USP49: variants seen among roughly 807,000 people sequenced by gnomAD.
USP49 encodes ubiquitin carboxyl-terminal hydrolase 49.
Under a neutral mutation model 58.6 loss-of-function variants are expected in USP49, and 24 were observed. That is an observed-to-expected ratio of 0.41 (90% confidence interval 0.30 to 0.58). USP49 has a LOEUF of 0.58. Among genes scored for constraint, USP49 ranks in the 20% least tolerant of loss-of-function variants. USP49 has a pLI of 0.30. For synonymous variants in USP49, 408 were observed against 365.1 expected (o/e 1.12, Z -1.34); for missense variants, 703 against 866.1 (o/e 0.81, Z 2.36).
At chr6:41,874,835 G>A (rs1458216581) in intron 2 of USP49, among the ~76,000 whole-genome samples, 1 of 152,158 alleles carries the variant, frequency 6.6e-6, no homozygotes. Flanking sequence ...GCACAAATCT[G>A]TAGTCCCAGC....
At chr6:41,840,290 C>T (rs575350239) in intron 3 of USP49, among the ~76,000 whole-genome samples, 88 of 150,898 alleles carry the variant, frequency 5.8e-4, no homozygotes, top group South Asian at 2.9e-3. Flanking sequence ...AGGAGAATGG[C>T]GTCAACCCGG....
At chr6:41,874,651 C>T (rs904713581) in intron 2 of USP49, among the ~76,000 whole-genome samples, 1 of 152,148 alleles carries the variant, frequency 6.6e-6, no homozygotes, top group Non-Finnish European at 1.5e-5. Flanking sequence ...AGGATTCAAA[C>T]CCAGGTTTCT....
At chr6:41,829,898 TATA>T (rs1370553854) in intron 3 of USP49, among the ~76,000 whole-genome samples, 2 of 152,352 alleles carry the variant, frequency 1.3e-5, no homozygotes, top group East Asian at 3.9e-4. Context: ...TTAAAGTTCA[TATA>T]ATGTTTTCTT....
rs999581467 is a variant in USP49, at chr6:41,876,664, G to A, written c.-102-5027C>T. Among the ~76,000 whole-genome samples the A allele has an allele frequency of 5.3e-5, 8 of 152,202 alleles. No individual in the cohort carries two copies. In the East Asian group the frequency reaches 1.4e-3, roughly 26 times the overall value. ...CCTGACCTCGTGATCCGCCAGCCTC[G>A]GCCTCCCAAAGTGTTGAGATTACAG... On this transcript the variant is annotated intron_variant, in intron 2 of 7. Transcript: ENST00000682992.
rs749545881 is a variant in USP49, at chr6:41,799,932, C to T, written c.1568G>A (p.Arg523Gln). 1.9e-6 allele frequency: 3 copies of T among 1,613,886 alleles called. No individual in the cohort carries two copies. Among genetic ancestry groups the T allele is most frequent in the South Asian group, 1.1e-5 (1 of 91,058 alleles). ...AAGGGGTTTGGGATTGGATTTTCGT[C>T]GTTTGCCTATGTGGTTTGGGAAGGT... ...IYACDQCNSK[R>Q]RKSNPKPLVL... The change falls in exon 6 of 8, where the codon CGA becomes CAA. Residue 523 changes from arginine to glutamine, a missense_variant. Physicochemically the swap from Arg to Gln is conservative, Grantham distance 43. Around this residue, in one of 6 missense-constraint regions of USP49, gnomAD observed 158 missense variants for 241.2 expected, o/e 0.66. Coordinates refer to ENST00000682992, the MANE Select transcript of USP49 (RefSeq NM_001286554.2).
chr6:41,888,743 G>A (rs571939658), intron 2 of USP49, among the ~76,000 whole-genome samples: 5 of 151,988 alleles, frequency 3.3e-5, no homozygotes, highest in African/African-American at 9.7e-5. Flanking sequence ...GTGAGCCACC[G>A]CACCCAGCCA....
At chr6:41,851,085 G>A (rs1422607555) in intron 3 of USP49, among the ~76,000 whole-genome samples, 1 of 152,112 alleles carries the variant, frequency 6.6e-6, no homozygotes, top group Non-Finnish European at 1.5e-5. Flanking sequence ...TGAATGCCAA[G>A]TTTTCTCAAA....
Position 41,806,319 on chromosome 6 carries a change from G to T in USP49, c.665C>A (p.Ala222Asp). ...AGGGAGGGCGGCGGGGCGCGAGGCA[G>T]CCGGGCCCGCGTCGCGGGGCGTGTG... ...LLHTPRDAGP[A>D]ASRPAALPTS... Residue 222 changes from alanine to aspartate, a missense_variant, in exon 4 of 8, where the codon GCT becomes GAT. Ala to Asp is a moderately radical substitution (Grantham distance 126). Coordinates refer to ENST00000682992, the MANE Select transcript of USP49 (RefSeq NM_001286554.2). This position sits in a 1 kb window ranked among gnomAD's most constrained non-coding sequence, Gnocchi z 5.9. 6.4e-7 allele frequency: 1 copy of T among 1,553,784 alleles called. No individual in the cohort carries two copies. Among genetic ancestry groups the T allele is most frequent in the South Asian group, 1.2e-5 (1 of 84,032 alleles).
chr6:41,848,053 C>T (rs950395637), intron 3 of USP49, among the ~76,000 whole-genome samples: 2 of 152,128 alleles, frequency 1.3e-5, no homozygotes, highest in Non-Finnish European at 2.9e-5. Context: ...TCATCACATA[C>T]AAGGGAGTTT....
rs139071131 is a variant in USP49 at position 41,805,754 on chromosome 6, C to G, written c.1230G>C (p.Lys410Asn). The G allele has an allele frequency of 6.2e-7, 1 of 1,613,996 alleles. No homozygotes were observed. The highest frequency in any genetic ancestry group is 8.5e-7 in the Non-Finnish European group (1 of 1,180,028). The change falls in exon 4 of 8, where the codon AAG becomes AAC. Residue 410 changes from lysine to asparagine, a missense_variant. By Grantham distance (94) the Lys-to-Asn change is moderately conservative (BLOSUM62 0). Around this residue, in one of 6 missense-constraint regions of USP49, gnomAD observed 66 missense variants for 116.0 expected, o/e 0.57. Transcript: ENST00000682992. ...AQEFLCELLH[K>N]VQQELESEGT... ...CCTCAGACTCGAGTTCCTGCTGCAC[C>G]TTGTGCAGCAGCTCGCAGAGAAATT... is the stretch of plus-strand genomic sequence containing the variant.
chr6:41,827,675 CAAA>C (rs373056101), intron 3 of USP49, among the ~76,000 whole-genome samples: 5 of 92,308 alleles, frequency 5.4e-5, no homozygotes, highest in Admixed American at 2.5e-4. Context: ...ACTCTGTCTC[CAAA>C]AAAAAAAAAA....
At position 41,793,056 on chromosome 6, in the gene USP49, T is replaced by C. The variant is rs897536346; in HGVS notation, c.*3477A>G. ...CCCCACTGTCAGCCAATCCACCTCA[T>C]TGGTTCTTCCCTTGTACTTGGATGA... On this transcript the variant is annotated 3_prime_UTR_variant, in exon 8 of 8. Transcript: ENST00000682992. 4 of 150,994 alleles carry C rather than the reference T, an allele frequency of 2.6e-5. No homozygotes were observed. The highest frequency in any genetic ancestry group is 4.9e-5 in the African/African-American group (2 of 41,156). 9.4% of individuals were successfully genotyped at this position (150,994 alleles called of 1,614,324 possible). A position where few individuals can be genotyped will look rare whatever the true frequency, so the allele number is the denominator to read the frequency against.
intron 5 of USP49, 48 bp from the exon 6 acceptor site, chr6:41,799,986 C>G (rs1409400142): frequency 1.3e-6 from 2 of 1,525,764 alleles, no homozygotes; most frequent in African/African-American, 1.4e-5. Context: ...GGAGTTTTTT[C>G]TAGCTATGGC....
At position 41,819,742 on chromosome 6, in the gene USP49, G is replaced by C. The variant is rs73424069; in HGVS notation, c.-28-12731C>G. Among the ~76,000 whole-genome samples the C allele has an allele frequency of 8.3e-3, 1,267 of 152,248 alleles. 21 individuals carry two copies. The highest frequency in any genetic ancestry group is 0.029 in the African/African-American group (1,217 of 41,522). ...CTAACTCTACTGATCAATTTTGCAT[G>C]AAACTAGGGCAACTAGACCTCCCTG... On this transcript the variant is annotated intron_variant, in intron 3 of 7. Coordinates refer to ENST00000682992, the MANE Select transcript of USP49 (RefSeq NM_001286554.2).
chr6:41,890,156 TC>T (rs944605461), intron 2 of USP49, among the ~76,000 whole-genome samples: 1 of 151,706 alleles, frequency 6.6e-6, no homozygotes, highest in African/African-American at 2.4e-5. Flanking sequence ...ACTTTGGAGA[TC>T]ACTTGAGGTC....
intron 3 of USP49, among the ~76,000 whole-genome samples, chr6:41,825,454 G>C (rs933022627): frequency 1.4e-5 from 2 of 146,396 alleles, no homozygotes; most frequent in Non-Finnish European, 3.0e-5. Flanking sequence ...AAAAAAAAAA[G>C]ATATGAGAAC....
intron 3 of USP49, among the ~76,000 whole-genome samples, chr6:41,863,340 A>G (rs1290203766): frequency 6.6e-6 from 1 of 152,086 alleles, no homozygotes. Flanking sequence ...TTGTTTCTTG[A>G]CTTCTTGAAC....
chr6:41,792,974 G>A lies in USP49; in HGVS notation c.*3559C>T, dbSNP rs1021959815. 7.3e-4 allele frequency: 4 copies of A among 5,496 alleles called. No individual in the cohort carries two copies. The highest frequency in any genetic ancestry group is 2.7e-3 in the African/African-American group (3 of 1,102). 0.3% of individuals were successfully genotyped at this position (5,496 alleles called of 1,614,324 possible). A position where few individuals can be genotyped will look rare whatever the true frequency, so the allele number is the denominator to read the frequency against. On this transcript the variant is annotated 3_prime_UTR_variant, in exon 8 of 8. Transcript: ENST00000682992. ...CTCCCACCCACCACCCGCCATCCCC[G>A]ACCAAGTTTTCATTCTGCACTACTG...
intron 3 of USP49, among the ~76,000 whole-genome samples, chr6:41,838,311 T>C (rs922453936): frequency 6.6e-6 from 1 of 152,204 alleles, no homozygotes. Flanking sequence ...ATAACCAGCA[T>C]TTGAGAGAGC....
Sources: allele counts gnomAD v4.1 joint callset (sites outside exome capture counted in the v4.1 genomes callset), GRCh38; gene constraint gnomAD v4.1.1; regional missense constraint gnomAD v4.1.1; non-coding constraint Gnocchi (gnomAD v3.1); transcripts MANE v1.5; gene names NCBI Gene and HGNC (gene_info 2026-07-23, HGNC 2026-07-21).